Variants in SLC2A9 observed in about 807,000 individuals in gnomAD.
SLC2A9 encodes the protein solute carrier family 2, facilitated glucose transporter member 9.
SLC2A9 carries 39 observed loss-of-function variants against 50.6 expected under a neutral mutation model. The ratio of observed to expected loss-of-function variants is 0.77; its 90% CI spans 0.60 to 1.01. The LOEUF is 1.01. Among genes scored for constraint, SLC2A9 ranks in the 50% least tolerant of loss-of-function variants. The pLI is 0.00. For synonymous variants in SLC2A9, 324 were observed against 276.9 expected, an observed-to-expected ratio of 1.17 and a Z score of -1.69; for missense variants, 686 against 677.6, an observed-to-expected ratio of 1.01 and a Z score of -0.14.
At chr4:9,929,264 G>T (rs770253237) in intron 6 of SLC2A9, among the ~76,000 whole-genome samples, 3 of 152,242 alleles carry the variant, frequency 2.0e-5, no homozygotes, top group Non-Finnish European at 4.4e-5. Context: ...GGATGCCCTC[G>T]CAGCAGAGCC....
chr4:9,794,023 G>A (rs1577300509), intron 3 of SLC2A9, among the ~76,000 whole-genome samples: 1 of 152,080 alleles, frequency 6.6e-6, no homozygotes, highest in African/African-American at 2.4e-5. Context: ...TTCTGAATTT[G>A]GTTCTCTCAT....
intron 5 of SLC2A9, among the ~76,000 whole-genome samples, chr4:9,957,598 T>C (rs1047439615): frequency 1.4e-4 from 22 of 152,168 alleles, no homozygotes; most frequent in African/African-American, 9.7e-5. Context: ...CTCTAAAATA[T>C]AGTTGTAAAT....
rs899553019 is a variant in SLC2A9 at position 9,826,500 on chromosome 4, T to A, written c.1520A>T (p.Tyr507Phe). The change falls in exon 12 of 12, where the codon TAT (tyrosine) becomes TTT (phenylalanine). Residue 507 changes from tyrosine to phenylalanine, a missense_variant. Coordinates refer to ENST00000264784, the MANE Select transcript of SLC2A9 (RefSeq NM_020041.3). ...GGAAAATGCCTGGCTGATTTCTGCA[T>A]AGGTTCTGTTTTTGGTCTCAGGCAG... The part of the protein sequence containing the change: ...FVLPETKNRT[Y>F]AEISQAFSKR... 5.6e-6 allele frequency: 9 copies of A among 1,613,962 alleles called. No homozygotes were observed. The African/African-American group carries it at 1.1e-4, about 19-fold the overall frequency.
intron 3 of SLC2A9, among the ~76,000 whole-genome samples, chr4:9,994,713 G>T (rs1758324531): frequency 6.6e-6 from 1 of 152,018 alleles, no homozygotes; most frequent in African/African-American, 2.4e-5. Context: ...GTCAGGACTT[G>T]CTGAGCCACG....
chr4:9,786,039 G>T (rs1169761699), intron 3 of SLC2A9, among the ~76,000 whole-genome samples: 1 of 152,196 alleles, frequency 6.6e-6, no homozygotes, highest in Admixed American at 6.5e-5. Context: ...AGTGGCAAGT[G>T]CAAAGGCTTG....
chr4:9,838,395 C>T (rs111614406), intron 10 of SLC2A9, among the ~76,000 whole-genome samples: 21 of 152,232 alleles, frequency 1.4e-4, no homozygotes, highest in African/African-American at 5.1e-4. Flanking sequence ...ATTCCATGCT[C>T]ATTGATAAAA....
intron 11 of SLC2A9, among the ~76,000 whole-genome samples, chr4:9,830,533 A>G (rs1393204597): frequency 6.6e-6 from 1 of 152,238 alleles, no homozygotes; most frequent in Non-Finnish European, 1.5e-5. Context: ...AAAGTTGAAG[A>G]AAAACAAAAA....
chr4:10,013,250 T>C (rs76421184), intron 2 of SLC2A9, among the ~76,000 whole-genome samples: 1,898 of 152,308 alleles, frequency 0.012, 41 homozygotes, highest in African/African-American at 0.041. Context: ...CCAGGGATGC[T>C]GCCATAAACC....
At chr4:9,880,514 G>T in intron 10 of SLC2A9, 1 of 985,100 alleles carries the variant, frequency 1.0e-6, no homozygotes. Context: ...ACAGAATCAG[G>T]ATCATTGCAA....
intron 5 of SLC2A9, among the ~76,000 whole-genome samples, chr4:9,962,537 G>T (rs1752428758): frequency 6.6e-6 from 1 of 152,152 alleles, no homozygotes; most frequent in African/African-American, 2.4e-5. Context: ...CGGACACAGT[G>T]AGGGGAACAA....
intron 6 of SLC2A9, among the ~76,000 whole-genome samples, chr4:9,921,125 A>G (rs1342856261): frequency 1.3e-5 from 2 of 152,180 alleles, no homozygotes; most frequent in Non-Finnish European, 2.9e-5. Flanking sequence ...TATTGTGAAA[A>G]GAAGGATTGA....
In SLC2A9 at chr4:9,834,966, G is replaced by C; in HGVS notation, c.1334C>G (p.Ser445Cys). ...FILTGEFFQQ[S>C]QRPAAFIIAG... is the part of the protein sequence containing the mutation. Reference sequence around the variant, plus strand: ...AATGATGAAGGCAGCCGGCCGCTGAGATTGCTGGAAGAACTCACCAGTCAA... The same window carrying C: ...AATGATGAAGGCAGCCGGCCGCTGACATTGCTGGAAGAACTCACCAGTCAA... Residue 445 changes from serine to cysteine, a missense_variant, in exon 11 of 12, where the codon TCT (serine) becomes TGT (cysteine). Coordinates refer to ENST00000264784, the MANE Select transcript of SLC2A9 (RefSeq NM_020041.3). The C allele has an allele frequency of 6.2e-7, 1 of 1,613,978 alleles. No individual in the cohort carries two copies. Among genetic ancestry groups the C allele is most frequent in the Middle Eastern group, 1.7e-4 (1 of 5,934 alleles).
intron 3 of SLC2A9, among the ~76,000 whole-genome samples, chr4:9,993,753 C>T (rs1758111270): frequency 6.6e-6 from 1 of 152,112 alleles, no homozygotes; most frequent in African/African-American, 2.4e-5. Context: ...TTCTTGATCG[C>T]TGAGAATTCC....
intron 10 of SLC2A9, among the ~76,000 whole-genome samples, chr4:9,844,635 T>A (rs1196422854): frequency 6.6e-6 from 1 of 152,258 alleles, no homozygotes; most frequent in East Asian, 1.9e-4. Flanking sequence ...TCTGTGAATC[T>A]GTGCTACAGC....
chr4:9,802,541 G>T (rs1013607071), intron 3 of SLC2A9, among the ~76,000 whole-genome samples: 2 of 148,834 alleles, frequency 1.3e-5, no homozygotes, highest in Non-Finnish European at 3.0e-5. Flanking sequence ...GCAGTAAAGA[G>T]GTTTTTTTTG....
intron 5 of SLC2A9, among the ~76,000 whole-genome samples, chr4:9,978,837 A>AT (rs1755242568): frequency 2.0e-5 from 3 of 152,270 alleles, no homozygotes; most frequent in Admixed American, 1.3e-4. Context: ...AAAGTCACTT[A>AT]TAATATCACA....
intron 2 of SLC2A9, among the ~76,000 whole-genome samples, chr4:10,003,368 A>G (rs1204219641): frequency 2.6e-5 from 4 of 152,180 alleles, no homozygotes; most frequent in African/African-American, 9.6e-5. Flanking sequence ...CACTGCATTC[A>G]GGAGCCTGGT....
At chr4:9,827,985 A>T (rs1204794836) in intron 11 of SLC2A9, among the ~76,000 whole-genome samples, 1 of 152,226 alleles carries the variant, frequency 6.6e-6, no homozygotes, top group Admixed American at 6.5e-5. Context: ...AGATGAAATG[A>T]GATATATCAA....
intron 3 of SLC2A9, among the ~76,000 whole-genome samples, chr4:9,811,121 C>A (rs754412127): frequency 1.3e-5 from 2 of 149,542 alleles, no homozygotes; most frequent in African/African-American, 5.1e-5. Context: ...GAGGAACTAA[C>A]CCTCCTGGGA....
Sources: allele counts gnomAD v4.1 joint callset (sites outside exome capture counted in the v4.1 genomes callset), GRCh38; gene constraint gnomAD v4.1.1; transcripts MANE v1.5; gene names NCBI Gene and HGNC (gene_info 2026-07-23, HGNC 2026-07-21).